ADGRV1: variants seen among roughly 807,000 people sequenced by gnomAD.
ADGRV1 encodes the protein G-protein coupled receptor 98.
In ADGRV1, 359 loss-of-function variants were observed where a neutral mutation model predicts 596.2. The ratio of observed to expected loss-of-function variants is 0.60; its 90% CI spans 0.55 to 0.66. The LOEUF is 0.66. ADGRV1 is among the 30% of genes least tolerant of loss of function. ADGRV1 has a pLI of 0.00. For missense variants in ADGRV1, 7,274 were observed against 7,575.6 expected (o/e 0.96, Z 1.48); for synonymous variants, 2,681 against 2,679.2 (o/e 1.00, Z -0.02).
At chr5:90,673,837 A>G (rs939702859) in intron 22 of ADGRV1, among the ~76,000 whole-genome samples, 4 of 152,166 alleles carry the variant, frequency 2.6e-5, no homozygotes, top group African/African-American at 9.7e-5. Context: ...CATTATTTTT[A>G]AGGAATTAAT....
chr5:90,580,804 T>G (rs1405672014), intron 1 of ADGRV1, among the ~76,000 whole-genome samples: 1 of 150,986 alleles, frequency 6.6e-6, no homozygotes, highest in African/African-American at 2.4e-5. Context: ...TTCTCTGTGT[T>G]TCCTGTTGGG....
chr5:91,097,865 T>C (rs1171676329), intron 86 of ADGRV1, among the ~76,000 whole-genome samples: 1 of 152,222 alleles, frequency 6.6e-6, no homozygotes, highest in Non-Finnish European at 1.5e-5. Context: ...GCCATTTGTA[T>C]ATCTTCTCAA....
At chr5:90,965,392 A>G (rs769866660) in intron 83 of ADGRV1, 23 bp from the exon 84 acceptor site, 16 of 1,387,332 alleles carry the variant, frequency 1.2e-5, no homozygotes, top group South Asian at 1.0e-4. Context: ...TATTTTAAAA[A>G]TAGAAGTATC....
At position 90,651,729 on chromosome 5, in the gene ADGRV1, T is replaced by C; in HGVS notation, c.3415T>C (p.Trp1139Arg). The C allele has an allele frequency of 6.2e-7, 1 of 1,605,138 alleles. No homozygotes were observed. The highest frequency in any genetic ancestry group is 1.1e-5 in the South Asian group (1 of 90,648). The change falls in exon 18 of 90, where the codon TGG (tryptophan) becomes CGG (arginine). Residue 1139 changes from tryptophan (W) to arginine (R), a missense_variant and splice_region_variant. Trp to Arg is a moderately radical substitution (Grantham distance 101, BLOSUM62 -3). Transcript: ENST00000405460. ...AVEEGKTNAF[W>R]ILRHRGYFGS... ...GGAAGAAGGAAAGACTAATGCATTT[T>C]GGTAAGCATATGTAGATAAGGCAAG... is the stretch of plus-strand genomic sequence containing the variant.
At chr5:90,933,604 A>G (rs1226071462) in intron 83 of ADGRV1, among the ~76,000 whole-genome samples, 2 of 152,162 alleles carry the variant, frequency 1.3e-5, no homozygotes, top group African/African-American at 4.8e-5. Context: ...TTTGTGCAGA[A>G]GAGTTGGTTG....
At chr5:90,863,435 A>G (rs1379460888) in intron 82 of ADGRV1, among the ~76,000 whole-genome samples, 1 of 152,220 alleles carries the variant, frequency 6.6e-6, no homozygotes, top group Non-Finnish European at 1.5e-5. Context: ...CATAACTAAC[A>G]CTATTGTAAT....
intron 83 of ADGRV1, among the ~76,000 whole-genome samples, chr5:90,895,081 A>G (rs1285978552): frequency 6.6e-6 from 1 of 150,778 alleles, no homozygotes; most frequent in Non-Finnish European, 1.5e-5. Flanking sequence ...AGCATGCACC[A>G]CCATGTCTGG....
At chr5:90,877,887 G>GA (rs553490050) in intron 83 of ADGRV1, among the ~76,000 whole-genome samples, 305 of 149,234 alleles carry the variant, frequency 2.0e-3, no homozygotes, top group African/African-American at 6.8e-3. Context: ...GTGAAATTCA[G>GA]AAAAAAAAAT....
chr5:91,130,898 T>C (rs1794160417), intron 87 of ADGRV1, among the ~76,000 whole-genome samples: 1 of 152,254 alleles, frequency 6.6e-6, no homozygotes, highest in African/African-American at 2.4e-5. Flanking sequence ...TCTATTAATT[T>C]GGTTAAGATA....
At chr5:91,009,077 C>T (rs1455732699) in intron 85 of ADGRV1, among the ~76,000 whole-genome samples, 1 of 152,136 alleles carries the variant, frequency 6.6e-6, no homozygotes, top group East Asian at 1.9e-4. Flanking sequence ...CTTGCTATCT[C>T]TTCAATTCAT....
At chr5:90,839,972 C>T (rs967636327) in intron 77 of ADGRV1, among the ~76,000 whole-genome samples, 1 of 152,158 alleles carries the variant, frequency 6.6e-6, no homozygotes, top group Non-Finnish European at 1.5e-5. Flanking sequence ...ATGCACATTC[C>T]TTTGATTCTT....
chr5:91,021,757 C>T (rs1783650478), intron 85 of ADGRV1, among the ~76,000 whole-genome samples: 1 of 152,026 alleles, frequency 6.6e-6, no homozygotes, highest in Non-Finnish European at 1.5e-5. Context: ...GATCCTTGTC[C>T]TGGCTTTTGA....
chr5:90,751,631 C>T (rs1326875840), intron 53 of ADGRV1, among the ~76,000 whole-genome samples: 2 of 152,118 alleles, frequency 1.3e-5, no homozygotes, highest in Non-Finnish European at 2.9e-5. Context: ...GATGGGTTGT[C>T]TTCTTGGCTT....
At chr5:91,011,472 C>A (rs763489433) in intron 85 of ADGRV1, among the ~76,000 whole-genome samples, 9 of 151,924 alleles carry the variant, frequency 5.9e-5, no homozygotes, top group Non-Finnish European at 1.2e-4. Flanking sequence ...GGCAAACAAG[C>A]ACTACTGCCT....
rs1279291301 is a variant in ADGRV1 at position 90,840,644 on chromosome 5, G to A, written c.16678G>A (p.Val5560Met). ...TCCAGCTATTTCTGGAAAGGATTTT[G>A]TGATAACTGAAGGCACATTGGTCTT... is the stretch of plus-strand genomic sequence containing the variant. The part of the protein sequence containing the change: ...ISPAISGKDF[V>M]ITEGTLVFEP... The change falls in exon 78 of 90, where the codon GTG becomes ATG. Residue 5560 changes from valine (V) to methionine (M), a missense_variant. Around this residue, in one of 5 missense-constraint regions of ADGRV1, gnomAD observed 1,874 missense variants for 1,970.2 expected, o/e 0.95. Transcript: ENST00000405460. The A allele has an allele frequency of 1.2e-6, 2 of 1,613,808 alleles. No individual in the cohort carries two copies. The highest frequency in any genetic ancestry group is 2.2e-5 in the South Asian group (2 of 91,072).
In ADGRV1 at chr5:90,729,749, C is replaced by T. The variant is rs767567903; in HGVS notation, c.10534C>T (p.Pro3512Ser). Residue 3512 changes from proline (P) to serine (S), a missense_variant, in exon 50 of 90, where the codon CCA becomes TCA. By Grantham distance (74) the Pro-to-Ser change is moderately conservative (BLOSUM62 -1). Coordinates refer to ENST00000405460, the MANE Select transcript of ADGRV1 (RefSeq NM_032119.4). Reference protein sequence around the residue: ...AAVNRIHSFTPASGIAHILLI... With the variant: ...AAVNRIHSFTSASGIAHILLI... Reference sequence around the variant, plus strand: ...TGTTAACAGAATCCACTCCTTCACACCAGCCTCAGGAATAGGTAAGGACTT... The same window carrying T: ...TGTTAACAGAATCCACTCCTTCACATCAGCCTCAGGAATAGGTAAGGACTT... 2 of 1,613,304 alleles carry T rather than the reference C, an allele frequency of 1.2e-6. No homozygotes were observed. The highest frequency in any genetic ancestry group is 8.5e-7 in the Non-Finnish European group (1 of 1,179,442).
At chr5:90,813,012 C>T (rs919345165) in intron 74 of ADGRV1, among the ~76,000 whole-genome samples, 3 of 150,552 alleles carry the variant, frequency 2.0e-5, no homozygotes, top group Non-Finnish European at 4.4e-5. Flanking sequence ...AGGCACCTGT[C>T]GTCCCAGCTA....
chr5:90,996,637 G>C (rs1425363958), intron 85 of ADGRV1, among the ~76,000 whole-genome samples: 1 of 152,230 alleles, frequency 6.6e-6, no homozygotes, highest in African/African-American at 2.4e-5. Flanking sequence ...GCTGTGAGGA[G>C]AGGGCCACAG....
intron 9 of ADGRV1, among the ~76,000 whole-genome samples, chr5:90,633,144 T>A (rs1580526481): frequency 6.6e-6 from 1 of 152,144 alleles, no homozygotes; most frequent in East Asian, 1.9e-4. Context: ...AAATAAAGAA[T>A]GATTCTTTAT....
Sources: allele counts gnomAD v4.1 joint callset (sites outside exome capture counted in the v4.1 genomes callset), GRCh38; gene constraint gnomAD v4.1.1; regional missense constraint gnomAD v4.1.1; transcripts MANE v1.5; gene names NCBI Gene and HGNC (gene_info 2026-07-23, HGNC 2026-07-21).